Variants in UBQLN1 observed in about 807,000 individuals in gnomAD.
UBQLN1 encodes the protein ubiquilin-1.
A neutral mutation model predicts 65.4 loss-of-function variants in UBQLN1; 13 were observed. The observed-to-expected ratio is 0.20, with a 90% CI of 0.13 to 0.32. UBQLN1 has a LOEUF of 0.32. Among genes scored for constraint, UBQLN1 ranks in the 10% least tolerant of loss-of-function variants. The pLI, the probability that UBQLN1 is intolerant of heterozygous loss-of-function variation, is 1.00. For missense variants in UBQLN1, 561 were observed against 724.0 expected (o/e 0.77, Z 2.58); for synonymous variants, 267 against 247.8 (o/e 1.08, Z -0.73).
chr9:83,686,182 T>A, intron 1 of UBQLN1, 27 bp from the exon 2 acceptor site: 1 of 1,453,490 alleles, frequency 6.9e-7, no homozygotes, highest in Admixed American at 2.3e-5. Flanking sequence ...TAAGTATGTA[T>A]TACAGTTGTT....
At chr9:83,702,887 T>G in intron 1 of UBQLN1, among the ~76,000 whole-genome samples, 1 of 152,156 alleles carries the variant, frequency 6.6e-6, no homozygotes, top group East Asian at 1.9e-4. Flanking sequence ...TATATTAATA[T>G]TTTCCCAGAA....
At chr9:83,678,765 G>A (rs951657006) in intron 4 of UBQLN1, among the ~76,000 whole-genome samples, 166 bp from the exon 5 acceptor site, 2 of 152,124 alleles carry the variant, frequency 1.3e-5, no homozygotes, top group East Asian at 3.9e-4. Flanking sequence ...CGCCCAGGCT[G>A]GAGTGCAGTG....
chr9:83,704,794 C>T (rs1479173590), intron 1 of UBQLN1, among the ~76,000 whole-genome samples: 1 of 142,040 alleles, frequency 7.0e-6, no homozygotes, highest in African/African-American at 2.7e-5. Flanking sequence ...CCATTGCACT[C>T]CAGCCTGGGG....
At chr9:83,700,195 TAAG>T (rs1373334585) in intron 1 of UBQLN1, among the ~76,000 whole-genome samples, 31 of 152,088 alleles carry the variant, frequency 2.0e-4, no homozygotes, top group Non-Finnish European at 5.9e-5. Context: ...AATCTCCAGC[TAAG>T]AAAGGTGGTT....
chr9:83,688,782 A>T (rs191099921), intron 1 of UBQLN1, among the ~76,000 whole-genome samples: 2 of 151,380 alleles, frequency 1.3e-5, no homozygotes, highest in Admixed American at 1.3e-4. Context: ...AATTGCTTGA[A>T]CCTGGGAGGC....
chr9:83,675,665 C>T (rs74901315), intron 6 of UBQLN1, among the ~76,000 whole-genome samples: 16,299 of 152,230 alleles, frequency 0.11, 1,015 homozygotes, highest in Non-Finnish European at 0.13. Flanking sequence ...AATGTAATGG[C>T]ATGTTAAAAA....
intron 2 of UBQLN1, 92 bp downstream of exon 2, chr9:83,685,912 C>A: frequency 8.8e-7 from 1 of 1,140,394 alleles, no homozygotes; most frequent in Admixed American, 2.7e-5. Flanking sequence ...ATATTAATGA[C>A]AGGGAAAGTA....
At chr9:83,662,242 C>G (rs1831570111) in intron 10 of UBQLN1, among the ~76,000 whole-genome samples, 1 of 147,864 alleles carries the variant, frequency 6.8e-6, no homozygotes, top group Admixed American at 6.8e-5. Flanking sequence ...GCAGAAAAAC[C>G]TGTATGTGTG....
intron 1 of UBQLN1, among the ~76,000 whole-genome samples, chr9:83,705,286 G>T (rs2131193934): frequency 8.0e-6 from 1 of 125,590 alleles, no homozygotes; most frequent in East Asian, 2.0e-4. Context: ...TGTTGCCCAG[G>T]CTGGACTGCA....
At position 83,660,647 on chromosome 9, in the gene UBQLN1, GAC is replaced by G. The variant is rs1831548393; in HGVS notation, c.*1138_*1139del. The G allele has an allele frequency of 6.6e-6, 1 of 151,994 alleles. No individual in the cohort carries two copies. The highest frequency in any genetic ancestry group is 2.4e-5 in the African/African-American group (1 of 41,370). The allele number at this position is 151,994 out of a possible 1,614,324, so 9.4% of individuals were successfully genotyped here. A position where few individuals can be genotyped will look rare whatever the true frequency, so the allele number is the denominator to read the frequency against. The stretch of plus-strand genomic sequence containing the variant: ...TATTATTTAAGCTGGCCCCATCCAG[GAC>G]AGATTCCGCTGCCCCACCCCCCCAC... On this transcript the variant is annotated 3_prime_UTR_variant, in exon 11 of 11. Coordinates refer to ENST00000376395, the MANE Select transcript of UBQLN1 (RefSeq NM_013438.5).
intron 1 of UBQLN1, among the ~76,000 whole-genome samples, chr9:83,705,445 T>G (rs549095846): frequency 6.6e-6 from 1 of 152,296 alleles, no homozygotes; most frequent in South Asian, 2.1e-4. Flanking sequence ...AGACGGGGTT[T>G]CACCCCGTTG....
intron 1 of UBQLN1, among the ~76,000 whole-genome samples, chr9:83,689,314 C>T (rs1291446067): frequency 1.3e-5 from 2 of 152,196 alleles, no homozygotes; most frequent in Non-Finnish European, 2.9e-5. Flanking sequence ...CTTATCCACT[C>T]ATCAGGTGAT....
chr9:83,681,757 T>C (rs1831944077), intron 3 of UBQLN1, among the ~76,000 whole-genome samples: 1 of 152,250 alleles, frequency 6.6e-6, no homozygotes, highest in South Asian at 2.1e-4. Flanking sequence ...GACAGGCCTA[T>C]GTGAAATGCC....
chr9:83,666,633 T>C (rs1831648377), intron 7 of UBQLN1, 200 bp from the exon 8 acceptor site: 2 of 483,796 alleles, frequency 4.1e-6, no homozygotes, highest in Admixed American at 6.7e-5. Context: ...ATGAGGCATA[T>C]TCTCTCTCAA....
At chr9:83,678,894 G>T (rs371640759) in intron 4 of UBQLN1, among the ~76,000 whole-genome samples, 10 of 151,906 alleles carry the variant, frequency 6.6e-5, no homozygotes, top group Admixed American at 4.6e-4. Flanking sequence ...ATTTTTTTTT[G>T]TATTTTTTAG....
chr9:83,684,753 T>C (rs888653074), intron 2 of UBQLN1, among the ~76,000 whole-genome samples: 1 of 146,962 alleles, frequency 6.8e-6, no homozygotes, highest in Admixed American at 7.0e-5. Context: ...GACGTTGCAG[T>C]GAGCTGAGAT....
rs1831562711 is a variant in UBQLN1 at position 83,661,642 on chromosome 9, T to C, written c.*145A>G. On this transcript the variant is annotated 3_prime_UTR_variant, in exon 11 of 11. Transcript: ENST00000376395. ...ATACAGAAAAACCCACACATCTTAC[T>C]GTACTCCACCTTAAAATGCATCATA... 2.5e-6 allele frequency: 2 copies of C among 814,206 alleles called. No individual in the cohort carries two copies. The highest frequency in any genetic ancestry group is 3.3e-5 in the Admixed American group (1 of 30,006). The allele number at this position is 814,206 out of a possible 1,614,324, so 50.4% of individuals were successfully genotyped here. A position where few individuals can be genotyped will look rare whatever the true frequency, so the allele number is the denominator to read the frequency against.
At chr9:83,707,184 T>A (rs1475175634) in intron 1 of UBQLN1, among the ~76,000 whole-genome samples, 1 of 151,332 alleles carries the variant, frequency 6.6e-6, no homozygotes, top group African/African-American at 2.4e-5. Context: ...CTTTCCTTTG[T>A]GAGGAGTTGG....
chr9:83,678,922 C>T (rs190669873), intron 4 of UBQLN1, among the ~76,000 whole-genome samples: 303 of 152,208 alleles, frequency 2.0e-3, no homozygotes, highest in African/African-American at 6.6e-3. Context: ...GGGGTTTCAC[C>T]GTGTTAGCCA....
Sources: allele counts gnomAD v4.1 joint callset (sites outside exome capture counted in the v4.1 genomes callset), GRCh38; gene constraint gnomAD v4.1.1; transcripts MANE v1.5; gene names NCBI Gene and HGNC (gene_info 2026-07-23, HGNC 2026-07-21).